TGFA: variants seen among roughly 807,000 people sequenced by gnomAD.
TGFA encodes transforming growth factor alpha, also known as protransforming growth factor alpha.
Under a neutral mutation model 21.7 loss-of-function variants are expected in TGFA, and 12 were observed. The ratio of observed to expected loss-of-function variants is 0.55; its 90% confidence interval spans 0.35 to 0.90. The LOEUF is 0.90. Ranked by LOEUF, TGFA falls within the 40% of genes least tolerant of loss-of-function variation. The pLI, the probability that TGFA is intolerant of heterozygous loss-of-function variation, is 0.01. For missense variants in TGFA, 178 were observed against 210.8 expected (o/e 0.84, Z 0.96); for synonymous variants, 79 against 88.1 (o/e 0.90, Z 0.58).
At chr2:70,451,012 G>T in intron 5 of TGFA, 146 bp from the exon 6 acceptor site, 1 of 946,862 alleles carries the variant, frequency 1.1e-6, no homozygotes, top group Non-Finnish European at 1.7e-6. Flanking sequence ...AATTCTGCTG[G>T]TTCAGTCTCA....
At chr2:70,506,534 G>A (rs1027386860) in intron 2 of TGFA, among the ~76,000 whole-genome samples, 1 of 152,178 alleles carries the variant, frequency 6.6e-6, no homozygotes, top group African/African-American at 2.4e-5. Context: ...CTTAACTCCA[G>A]GTGGCAAAAA....
At chr2:70,456,307 G>A in intron 4 of TGFA, 32 bp downstream of exon 4, 2 of 1,529,304 alleles carry the variant, frequency 1.3e-6, no homozygotes, top group East Asian at 2.5e-5. Flanking sequence ...AGGTGGGCAG[G>A]GGACCTGGCC....
Position 70,527,564 on chromosome 2 carries a change from T to C in TGFA, c.41-12652A>G, listed in dbSNP as rs142929598. 1.1e-3 allele frequency among the ~76,000 whole-genome samples: 166 copies of C among 152,324 alleles called. 3 individuals carry two copies. In the East Asian group the frequency reaches 0.03, roughly 28 times the overall value. The stretch of plus-strand genomic sequence containing the variant: ...TGTCCAAACACATAGAATGTACAAC[T>C]ACAAGAGTGAGCCCTAATGTAAACG... On this transcript the variant is annotated intron_variant, in intron 1 of 5. Transcript: ENST00000295400.
At chr2:70,479,472 C>T (rs1671043165) in intron 2 of TGFA, among the ~76,000 whole-genome samples, 3 of 152,312 alleles carry the variant, frequency 2.0e-5, no homozygotes, top group East Asian at 1.9e-4. Context: ...CTTTTCTTTG[C>T]AATGAGAACT....
intron 2 of TGFA, among the ~76,000 whole-genome samples, chr2:70,505,689 A>G (rs1553500047): frequency 6.6e-6 from 1 of 152,200 alleles, no homozygotes; most frequent in East Asian, 1.9e-4. Flanking sequence ...AAGGAAAAAA[A>G]AAACAAAAAA....
chr2:70,485,587 C>T (rs782254283), intron 2 of TGFA, among the ~76,000 whole-genome samples: 19 of 152,078 alleles, frequency 1.2e-4, no homozygotes, highest in Non-Finnish European at 1.9e-4. Flanking sequence ...CCAAAGGAAC[C>T]GAGCACTGCT....
chr2:70,457,417 C>T (rs1553490745), intron 3 of TGFA, among the ~76,000 whole-genome samples: 1 of 152,162 alleles, frequency 6.6e-6, no homozygotes, highest in African/African-American at 2.4e-5. Context: ...GCATGTGATT[C>T]TTCTTAATAA....
intron 1 of TGFA, among the ~76,000 whole-genome samples, chr2:70,535,296 G>T (rs1672940048): frequency 6.6e-6 from 1 of 152,078 alleles, no homozygotes; most frequent in Non-Finnish European, 1.5e-5. Flanking sequence ...AAAAATTCAG[G>T]AGCTGAGGGC....
At chr2:70,506,866 G>T (rs1671941844) in intron 2 of TGFA, among the ~76,000 whole-genome samples, 1 of 152,196 alleles carries the variant, frequency 6.6e-6, no homozygotes, top group Admixed American at 6.5e-5. Context: ...ACTGACCATA[G>T]ACCTGGATGC....
chr2:70,466,440 G>A (rs550001533), intron 2 of TGFA, among the ~76,000 whole-genome samples: 36 of 152,286 alleles, frequency 2.4e-4, no homozygotes, highest in South Asian at 8.3e-4. Context: ...CCCGGGGGGC[G>A]GAGCCTGCAG....
chr2:70,545,702 C>T (rs553727209), intron 1 of TGFA, among the ~76,000 whole-genome samples: 172 of 151,988 alleles, frequency 1.1e-3, no homozygotes, highest in South Asian at 3.5e-3. Flanking sequence ...AAAAGGTTTT[C>T]CTAAATATAT....
intron 2 of TGFA, among the ~76,000 whole-genome samples, chr2:70,502,158 C>T (rs2103815810): frequency 6.6e-6 from 1 of 152,320 alleles, no homozygotes; most frequent in South Asian, 2.1e-4. Flanking sequence ...TGGAATAGTG[C>T]AAAGCATTCC....
rs142068900 is a variant in TGFA at position 70,538,683 on chromosome 2, T to C, written c.40+15045A>G. Among the ~76,000 whole-genome samples the C allele has an allele frequency of 2.6e-5, 4 of 152,372 alleles. No individual in the cohort carries two copies. In the East Asian group the frequency reaches 7.7e-4, roughly 29 times the overall value. ...AATAAAATTTGAACAGATGTAGAGT[T>C]ATTTCTTCTGGATGAACAAAGAAAG... On this transcript the variant is annotated intron_variant, in intron 1 of 5. Transcript: ENST00000295400.
chr2:70,553,496 G>A lies in TGFA; in HGVS notation c.40+232C>T, dbSNP rs1358687896. ...GCTTCCCCTTCCCAGGTGTTCTCAC[G>A]CACGGCCCAGGCAGCCACTTTCCCG... On this transcript the variant is annotated intron_variant, in intron 1 of 5. Coordinates refer to ENST00000295400, the MANE Select transcript of TGFA (RefSeq NM_003236.4). 2.9e-6 allele frequency: 4 copies of A among 1,392,104 alleles called. No homozygotes were observed. In the East Asian group the frequency reaches 1.1e-4, roughly 37 times the overall value. The allele number at this position is 1,392,104 out of a possible 1,614,324, so 86.2% of individuals were successfully genotyped here.
chr2:70,466,420 T>C (rs1438126609), intron 2 of TGFA, among the ~76,000 whole-genome samples: 5 of 152,066 alleles, frequency 3.3e-5, no homozygotes, highest in Non-Finnish European at 4.4e-5. Flanking sequence ...GGCAGGAGAA[T>C]GGCGAGAACC....
intron 2 of TGFA, among the ~76,000 whole-genome samples, chr2:70,501,429 A>T (rs1000512399): frequency 6.6e-5 from 10 of 152,106 alleles, no homozygotes; most frequent in African/African-American, 2.4e-4. Flanking sequence ...CCCAAGGGCA[A>T]TGACTGTCCT....
intron 1 of TGFA, among the ~76,000 whole-genome samples, chr2:70,516,807 T>C (rs4521071): frequency 0.064 from 9,807 of 152,214 alleles, 1,062 homozygotes; most frequent in African/African-American, 0.22. Flanking sequence ...ATAATAGTGT[T>C]CAAGGATGAC....
chr2:70,499,882 C>T lies in TGFA; in HGVS notation c.94+14977G>A, dbSNP rs1440546650. On this transcript the variant is annotated intron_variant, in intron 2 of 5. Transcript: ENST00000295400. ...GATGTGAGTGAAAACAAATGTGTCGCAAGGTTCTAAAACTGTGAAATAAAC... is the reference window on the plus strand; with the variant it reads ...GATGTGAGTGAAAACAAATGTGTCGTAAGGTTCTAAAACTGTGAAATAAAC... Among the ~76,000 whole-genome samples, 4 of 152,224 alleles carry T rather than the reference C, an allele frequency of 2.6e-5. No individual in the cohort carries two copies. The East Asian group carries it at 7.7e-4, about 29-fold the overall frequency.
At chr2:70,544,022 G>GA (rs1267912781) in intron 1 of TGFA, among the ~76,000 whole-genome samples, 1 of 151,926 alleles carries the variant, frequency 6.6e-6, no homozygotes. Context: ...ACATTTGAGG[G>GA]AAAAAACCCA....
Sources: gnomAD v4.1 joint callset for allele counts (sites outside exome capture counted in the v4.1 genomes callset) on GRCh38, gnomAD v4.1.1 for gene constraint, MANE v1.5 for transcripts, NCBI Gene and HGNC (gene_info 2026-07-23, HGNC 2026-07-21) for gene names.